VGLL4: variants seen among roughly 807,000 people sequenced by gnomAD.
VGLL4 encodes vestigial like family member 4.
In VGLL4, 7 loss-of-function variants were observed where a neutral mutation model predicts 21.0. The observed-to-expected ratio is 0.33, with a 90% CI of 0.19 to 0.63. VGLL4 has a LOEUF of 0.63. Among genes scored for constraint, VGLL4 ranks in the 20% least tolerant of loss-of-function variants. The pLI is 0.78. For missense variants in VGLL4, 394 were observed against 425.7 expected (o/e 0.93, Z 0.66); for synonymous variants, 222 against 173.2 (o/e 1.28, Z -2.21).
intron 2 of VGLL4, among the ~76,000 whole-genome samples, chr3:11,702,006 A>T (rs1310152522): frequency 6.6e-6 from 1 of 152,088 alleles, no homozygotes; most frequent in Non-Finnish European, 1.5e-5. Context: ...CCTTTCACCC[A>T]TCCCTCAAAC....
At chr3:11,721,465 T>C (rs2076992469), upstream of VGLL4, among the ~76,000 whole-genome samples, 1 of 152,220 alleles carries the variant, frequency 6.6e-6, no homozygotes, top group Non-Finnish European at 1.5e-5. Context: ...AACTTACAAG[T>C]CAACCTAGGA....
intron 2 of VGLL4, among the ~76,000 whole-genome samples, chr3:11,656,874 T>A (rs897475807): frequency 4.6e-5 from 7 of 152,000 alleles, no homozygotes; most frequent in African/African-American, 1.7e-4. Flanking sequence ...TGGTCAGGCA[T>A]TCAGATGCCA....
intron 2 of VGLL4, among the ~76,000 whole-genome samples, chr3:11,670,093 C>T (rs527435053): frequency 1.6e-4 from 24 of 150,230 alleles, no homozygotes; most frequent in Non-Finnish European, 3.3e-4. Flanking sequence ...GAGGAGGGTG[C>T]GGGGAACATG....
chr3:11,580,127 C>G lies in VGLL4; in HGVS notation c.273-15108G>C, dbSNP rs116130932. ...CCAACCGCACCATCCGTCTCCAGAA[C>G]TTTTTCCTCTTCCCAAACTCTGCAC... On this transcript the variant is annotated intron_variant, in intron 2 of 4. Coordinates refer to ENST00000430365, the MANE Select transcript of VGLL4 (RefSeq NM_001128219.3). Among the ~76,000 whole-genome samples, 1,015 of 152,336 alleles carry G rather than the reference C, an allele frequency of 6.7e-3. 13 individuals carry two copies. Among genetic ancestry groups the G allele is most frequent in the African/African-American group, 0.022 (917 of 41,568 alleles).
At chr3:11,575,991 C>CTA (rs1165038574) in intron 2 of VGLL4, among the ~76,000 whole-genome samples, 3 of 152,238 alleles carry the variant, frequency 2.0e-5, no homozygotes, top group Non-Finnish European at 4.4e-5. Context: ...TAGCTCAACT[C>CTA]TATGTAAATA....
intron 3 of VGLL4, among the ~76,000 whole-genome samples, chr3:11,562,981 A>G (rs2073160706): frequency 6.6e-6 from 1 of 152,204 alleles, no homozygotes; most frequent in Non-Finnish European, 1.5e-5. Context: ...GGCTGGGGAG[A>G]GGGAGACAGG....
Position 11,557,413 on chromosome 3 carries a change from A to AACCCCACCTCCCCTGGGAGCTTGT in VGLL4, c.*1119_*1142dup, listed in dbSNP as rs1487793861. Reference sequence around the variant, plus strand: ...GCATGTAGGGAAGTTGGAAGACACAAACCCCACCTCCCCTGGGAGCTTGTA... The same window carrying AACCCCACCTCCCCTGGGAGCTTGT: ...GCATGTAGGGAAGTTGGAAGACACAAACCCCACCTCCCCTGGGAGCTTGTACCCCACCTCCCCTGGGAGCTTGTA... On this transcript the variant is annotated 3_prime_UTR_variant, in exon 5 of 5. Coordinates refer to ENST00000430365, the MANE Select transcript of VGLL4 (RefSeq NM_001128219.3). The AACCCCACCTCCCCTGGGAGCTTGT allele has an allele frequency of 1.3e-5, 2 of 152,730 alleles. No homozygotes were observed. Among genetic ancestry groups the AACCCCACCTCCCCTGGGAGCTTGT allele is most frequent in the Non-Finnish European group, 1.5e-5 (1 of 68,042 alleles). 9.5% of individuals were successfully genotyped at this position (152,730 alleles called of 1,614,324 possible). A position where few individuals can be genotyped will look rare whatever the true frequency, so the allele number is the denominator to read the frequency against.
At chr3:11,647,924 G>A (rs1254544591), upstream of VGLL4, among the ~76,000 whole-genome samples, 1 of 151,612 alleles carries the variant, frequency 6.6e-6, no homozygotes, top group Non-Finnish European at 1.5e-5. Flanking sequence ...GAGACCACAG[G>A]TCCTTGCCTT....
At chr3:11,699,591 G>C (rs1348444189) in intron 2 of VGLL4, 2 of 152,222 alleles carry the variant, frequency 1.3e-5, no homozygotes, top group East Asian at 1.9e-4. Flanking sequence ...TGGACTGCTG[G>C]AGGCCAGGAG....
At chr3:11,690,447 T>C (rs374180671) in intron 2 of VGLL4, among the ~76,000 whole-genome samples, 7 of 152,228 alleles carry the variant, frequency 4.6e-5, no homozygotes, top group African/African-American at 1.4e-4. Flanking sequence ...AAATACTTTT[T>C]TCTAATTTAA....
chr3:11,658,757 C>T (rs1162164760), intron 2 of VGLL4, among the ~76,000 whole-genome samples: 1 of 151,952 alleles, frequency 6.6e-6, no homozygotes, highest in Non-Finnish European at 1.5e-5. Context: ...AGAAAATAGT[C>T]CAAATAATTT....
intron 2 of VGLL4, among the ~76,000 whole-genome samples, chr3:11,662,224 T>C (rs1015201564): frequency 6.6e-6 from 1 of 152,210 alleles, no homozygotes; most frequent in Non-Finnish European, 1.5e-5. Context: ...CATGATCCTC[T>C]GAGTCAAACT....
At chr3:11,721,672 G>A (rs567259370), upstream of VGLL4, 1 of 152,356 alleles carries the variant, frequency 6.6e-6, no homozygotes, top group South Asian at 2.1e-4. Flanking sequence ...GAATGAGGAA[G>A]GAATGAGGAC....
At chr3:11,697,847 A>G (rs1157206228) in intron 2 of VGLL4, among the ~76,000 whole-genome samples, 4 of 152,196 alleles carry the variant, frequency 2.6e-5, no homozygotes, top group Non-Finnish European at 4.4e-5. Flanking sequence ...TCATCTCCAA[A>G]CAAGGAGTTA....
intron 2 of VGLL4, chr3:11,582,427 A>G (rs2074253000): frequency 1.3e-6 from 2 of 1,512,480 alleles, no homozygotes; most frequent in Non-Finnish European, 8.9e-7. Flanking sequence ...TCCTCCCTGA[A>G]AGGAGGGTTG....
chr3:11,576,809 C>T (rs559476506), intron 2 of VGLL4, among the ~76,000 whole-genome samples: 1 of 152,328 alleles, frequency 6.6e-6, no homozygotes, highest in South Asian at 2.1e-4. Context: ...GCCTCCGATG[C>T]CCGCCTCAGG....
intron 2 of VGLL4, among the ~76,000 whole-genome samples, chr3:11,591,379 G>A (rs1479736120): frequency 6.6e-6 from 1 of 152,206 alleles, no homozygotes; most frequent in Non-Finnish European, 1.5e-5. Context: ...GTGCAGCCTG[G>A]AACAGCCTTT....
At chr3:11,605,625 T>C (rs879488082) in intron 1 of VGLL4, among the ~76,000 whole-genome samples, 2 of 152,076 alleles carry the variant, frequency 1.3e-5, no homozygotes, top group Non-Finnish European at 2.9e-5. Flanking sequence ...GAAGGTCATC[T>C]CCTCTTCCTC....
In VGLL4 at chr3:11,564,810, C is replaced by T. The variant is rs2073380164; in HGVS notation, c.482G>A (p.Gly161Glu). The T allele has an allele frequency of 6.4e-7, 1 of 1,567,234 alleles. No homozygotes were observed. Among genetic ancestry groups the T allele is most frequent in the Non-Finnish European group, 8.6e-7 (1 of 1,159,018 alleles). The part of the protein sequence containing the change: ...PAGLSPTLTP[G>E]ERQQNRPSVI... ...ACAGAGGCCCACCTGCTGCCGCTCC[C>T]CCGGGGTCAGTGTGGGCGAGAGGCC... Residue 161 changes from glycine to glutamate, a missense_variant, in exon 3 of 5, where the codon GGG becomes GAG. Transcript: ENST00000430365.
Sources: allele counts gnomAD v4.1 joint callset (sites outside exome capture counted in the v4.1 genomes callset), GRCh38; gene constraint gnomAD v4.1.1; transcripts MANE v1.5; gene names NCBI Gene and HGNC (gene_info 2026-07-23, HGNC 2026-07-21).